UNC13C: variants seen among roughly 807,000 people sequenced by gnomAD.
The protein encoded by UNC13C is protein unc-13 homolog C.
UNC13C carries 174 observed loss-of-function variants against 245.4 expected under a neutral mutation model. That is an observed-to-expected ratio of 0.71 (90% CI 0.63 to 0.80). UNC13C has a LOEUF of 0.80. Ranked by LOEUF, UNC13C falls within the 30% of genes least tolerant of loss-of-function variation. UNC13C has a pLI of 0.00. For missense variants in UNC13C, 2,829 were observed against 2,602.9 expected (o/e 1.09, Z -1.89); for synonymous variants, 992 against 895.1 (o/e 1.11, Z -1.93).
At chr15:54,223,852 C>T (rs967368166) in intron 4 of UNC13C, among the ~76,000 whole-genome samples, 2 of 151,876 alleles carry the variant, frequency 1.3e-5, no homozygotes, top group Non-Finnish European at 1.5e-5. Flanking sequence ...AGATCTTTCA[C>T]TTATTTGATT....
At position 54,628,074 on chromosome 15, in the gene UNC13C, T is replaced by TGAAAAAATAGTAAAA; in HGVS notation, c.*962_*976dup. The stretch of plus-strand genomic sequence containing the variant: ...AAAAGTCATGTTTTCATCCACTTAG[T>TGAAAAAATAGTAAAA]GAAAAAATAGTAAAATTAAGTCGGA... On this transcript the variant is annotated 3_prime_UTR_variant, in exon 33 of 33. Coordinates refer to ENST00000260323, the MANE Select transcript of UNC13C (RefSeq NM_001080534.3). The TGAAAAAATAGTAAAA allele has an allele frequency of 1.3e-5, 2 of 151,918 alleles. No individual in the cohort carries two copies. The highest frequency in any genetic ancestry group is 3.9e-4 in the East Asian group (2 of 5,178). 9.4% of individuals were successfully genotyped at this position (151,918 alleles called of 1,614,324 possible). A position where few individuals can be genotyped will look rare whatever the true frequency, so the allele number is the denominator to read the frequency against.
chr15:54,458,105 A>G (rs1891635057), intron 19 of UNC13C, among the ~76,000 whole-genome samples: 1 of 151,926 alleles, frequency 6.6e-6, no homozygotes, highest in Non-Finnish European at 1.5e-5. Flanking sequence ...CATTCAGTTC[A>G]AGGAATTTTT....
At chr15:54,011,439 AGTGAT>A (rs1274776789) in intron 1 of UNC13C, among the ~76,000 whole-genome samples, 1 of 152,230 alleles carries the variant, frequency 6.6e-6, no homozygotes, top group East Asian at 1.9e-4. Context: ...TTTTGGATTG[AGTGAT>A]GGGTAGAAAA....
rs771859883 is a variant in UNC13C at position 54,013,821 on chromosome 15, T to C, written c.918T>C (p.His306=). The C allele has an allele frequency of 6.2e-7, 1 of 1,612,384 alleles. No homozygotes were observed. The highest frequency in any genetic ancestry group is 1.7e-5 in the Admixed American group (1 of 59,670). The change falls in exon 2 of 33, where the codon CAT becomes CAC. Residue 306 remains histidine, a synonymous_variant. Coordinates refer to ENST00000260323, the MANE Select transcript of UNC13C (RefSeq NM_001080534.3). ...VQSRRETRDI[H]DYIKHLGHMG... ...CTCGGAGGGAAACTAGAGACATCCA[T>C]GATTATATTAAGCACTTAGGTCATA...
the UNC13C span, among the ~76,000 whole-genome samples, chr15:53,890,151 T>C: frequency 1.3e-5 from 2 of 151,658 alleles, no homozygotes; most frequent in African/African-American, 4.8e-5. Flanking sequence ...TTTTTTTTTT[T>C]TTCTTTTTGA....
chr15:53,867,519 G>T, the UNC13C span, among the ~76,000 whole-genome samples: 12 of 152,226 alleles, frequency 7.9e-5, no homozygotes, highest in African/African-American at 2.6e-4. Flanking sequence ...AATTCTGAAG[G>T]CTCGAGGTAT....
At chr15:53,933,521 A>T in the UNC13C span, among the ~76,000 whole-genome samples, 1 of 152,176 alleles carries the variant, frequency 6.6e-6, no homozygotes, top group South Asian at 2.1e-4. Context: ...GATACACCCC[A>T]CTGTGGAAGC....
At chr15:54,088,008 T>C (rs1899339730) in intron 2 of UNC13C, among the ~76,000 whole-genome samples, 1 of 152,056 alleles carries the variant, frequency 6.6e-6, no homozygotes. Flanking sequence ...TTGTCTGTTC[T>C]TATTGAAATG....
At chr15:54,343,186 C>T (rs548561482) in intron 17 of UNC13C, among the ~76,000 whole-genome samples, 21 of 149,994 alleles carry the variant, frequency 1.4e-4, no homozygotes, top group East Asian at 1.2e-3. Flanking sequence ...CAGACTGGAG[C>T]GCAGTGGCGC....
intron 7 of UNC13C, among the ~76,000 whole-genome samples, chr15:54,245,120 TC>T (rs1176868199): frequency 1.3e-5 from 2 of 152,092 alleles, no homozygotes; most frequent in African/African-American, 4.8e-5. Context: ...GGCTAAAGTT[TC>T]CCCCAGTGTA....
intron 2 of UNC13C, among the ~76,000 whole-genome samples, chr15:54,045,419 T>C (rs1011564950): frequency 7.2e-5 from 11 of 152,198 alleles, no homozygotes; most frequent in South Asian, 2.1e-4. Flanking sequence ...ATCTTTTTTT[T>C]CCCCTGAATA....
intron 4 of UNC13C, among the ~76,000 whole-genome samples, chr15:54,224,683 C>T (rs985779354): frequency 6.6e-6 from 1 of 152,072 alleles, no homozygotes; most frequent in Admixed American, 6.6e-5. Context: ...GTATTCACTT[C>T]TCCTACATTA....
chr15:54,119,255 G>A (rs1389829922), intron 2 of UNC13C, among the ~76,000 whole-genome samples: 2 of 152,064 alleles, frequency 1.3e-5, no homozygotes, highest in Non-Finnish European at 2.9e-5. Context: ...CATTGAGCAA[G>A]TGGTTAGGCA....
At chr15:54,281,410 TGA>T (rs2036993831) in intron 10 of UNC13C, among the ~76,000 whole-genome samples, 2 of 152,300 alleles carry the variant, frequency 1.3e-5, no homozygotes, top group South Asian at 4.1e-4. Flanking sequence ...CTGAAAGGAC[TGA>T]GAGAGAGAAC....
At chr15:54,502,184 C>G (rs757787224) in intron 22 of UNC13C, among the ~76,000 whole-genome samples, 5 of 152,106 alleles carry the variant, frequency 3.3e-5, no homozygotes, top group Admixed American at 1.3e-4. Flanking sequence ...CTCGCACACA[C>G]TATAAGCCAC....
chr15:54,486,288 CAA>C (rs1491051146), intron 19 of UNC13C, among the ~76,000 whole-genome samples: 1 of 149,184 alleles, frequency 6.7e-6, no homozygotes, highest in Non-Finnish European at 1.5e-5. Context: ...CACACACACA[CAA>C]TATCAGTGTG....
chr15:54,338,080 A>T (rs898084658), intron 16 of UNC13C, among the ~76,000 whole-genome samples: 2 of 152,192 alleles, frequency 1.3e-5, no homozygotes, highest in African/African-American at 4.8e-5. Context: ...GAAGTGATGA[A>T]TATTTGTTGA....
intron 1 of UNC13C, among the ~76,000 whole-genome samples, chr15:54,005,525 AG>A (rs1895095888): frequency 6.6e-6 from 1 of 152,240 alleles, no homozygotes; most frequent in Non-Finnish European, 1.5e-5. Flanking sequence ...ATCTATAAAA[AG>A]CACTCAAGAC....
chr15:54,373,117 G>C (rs1361002480), intron 17 of UNC13C, among the ~76,000 whole-genome samples: 2 of 152,172 alleles, frequency 1.3e-5, no homozygotes, highest in Non-Finnish European at 2.9e-5. Flanking sequence ...GCATGAGACA[G>C]TCATTGGTGC....
Sources: gnomAD v4.1 joint callset for allele counts (sites outside exome capture counted in the v4.1 genomes callset) on GRCh38, gnomAD v4.1.1 for gene constraint, MANE v1.5 for transcripts, NCBI Gene and HGNC (gene_info 2026-07-23, HGNC 2026-07-21) for gene names.